The following ACTR2 variants were observed in gnomAD, a reference collection of about 807,000 sequenced individuals.
The protein encoded by ACTR2 is actin-related protein 2.
In ACTR2, 5 loss-of-function variants were observed where a neutral mutation model predicts 50.2. That is an observed-to-expected ratio of 0.10 (90% CI 0.05 to 0.21). The LOEUF (loss-of-function observed/expected upper bound fraction) is 0.21, where lower values mean the gene tolerates loss of function less well. ACTR2 is among the 10% of genes least tolerant of loss of function. The pLI, the probability that ACTR2 is intolerant of heterozygous loss-of-function variation, is 1.00. For synonymous variants in ACTR2, 140 were observed against 162.9 expected (o/e 0.86, Z 1.07); for missense variants, 180 against 480.6 (o/e 0.37, Z 5.85).
At chr2:65,229,083 T>G (rs1242149301) in intron 1 of ACTR2, among the ~76,000 whole-genome samples, 7 of 151,288 alleles carry the variant, frequency 4.6e-5, no homozygotes, top group African/African-American at 1.7e-4. Flanking sequence ...TCCGTCTCAA[T>G]TATAAAAAAA....
chr2:65,246,042 CATTTT>C (rs1671932228), intron 2 of ACTR2: 1 of 153,438 alleles, frequency 6.5e-6, no homozygotes, highest in African/African-American at 2.4e-5. Flanking sequence ...AATAAAGAAT[CATTTT>C]ATTTTTTGCT....
At chr2:65,246,303 T>A (rs1199348248) in intron 2 of ACTR2, 1 of 372,176 alleles carries the variant, frequency 2.7e-6, no homozygotes, top group East Asian at 5.0e-5. Flanking sequence ...ACATTTGTGT[T>A]AAAGGTAAGG....
intron 2 of ACTR2, chr2:65,242,740 A>T: frequency 4.6e-6 from 2 of 430,832 alleles, no homozygotes. Flanking sequence ...CTTATCTCAG[A>T]CATTTAACTC....
chr2:65,250,081 C>G (rs1252851307), intron 3 of ACTR2, among the ~76,000 whole-genome samples: 2 of 152,048 alleles, frequency 1.3e-5, no homozygotes, highest in Non-Finnish European at 2.9e-5. Flanking sequence ...AAGATATTTC[C>G]CGGCCGGGTG....
chr2:65,253,921 A>C, intron 5 of ACTR2, 57 bp downstream of exon 5: 1 of 1,466,360 alleles, frequency 6.8e-7, no homozygotes, highest in Non-Finnish European at 9.4e-7. Context: ...TACCACCTTA[A>C]CACAGAATTG....
rs1209526884 is a variant in ACTR2, at chr2:65,261,342, T to C, written c.831T>C (p.Gly277=). 2 of 1,614,090 alleles carry C rather than the reference T, an allele frequency of 1.2e-6. No individual in the cohort carries two copies. ...QPHLINVEGV[G]VAELLFNTIQ... ...ACTTGATCAATGTTGAAGGAGTTGG[T>C]GTTGCTGAATTGCTTTTTAACACAA... Residue 277 remains glycine (G), a synonymous_variant, in exon 7 of 9, where the codon GGT becomes GGC. Transcript: ENST00000260641.
chr2:65,259,143 G>A (rs1328941425), intron 6 of ACTR2, among the ~76,000 whole-genome samples: 1 of 151,974 alleles, frequency 6.6e-6, no homozygotes, highest in African/African-American at 2.4e-5. Context: ...ATTGTAATTG[G>A]CCAGGCGCGG....
At chr2:65,255,466 T>G in intron 5 of ACTR2, 79 bp from the exon 6 acceptor site, 9 of 1,287,966 alleles carry the variant, frequency 7.0e-6, no homozygotes, top group Non-Finnish European at 8.5e-6. Flanking sequence ...ATGTGACATA[T>G]TTAATGAGCA....
At chr2:65,250,616 T>A (rs558414829) in intron 3 of ACTR2, among the ~76,000 whole-genome samples, 5 of 134,102 alleles carry the variant, frequency 3.7e-5, no homozygotes, top group Non-Finnish European at 6.1e-5. Flanking sequence ...GAGGTTGCAG[T>A]GAGCCAAGAT....
rs563831441 is a variant in ACTR2 at position 65,264,101 on chromosome 2, C to T, written c.882-942C>T. Among the ~76,000 whole-genome samples the T allele has an allele frequency of 1.3e-4, 20 of 152,166 alleles. No individual in the cohort carries two copies. The East Asian group carries it at 3.5e-3, about 26-fold the overall frequency. ...ACATGCCTGTTGCTGATTAGAGCTT[C>T]GACGTACCTAAAGTGCGGAGTCAGA... On this transcript the variant is annotated intron_variant, in intron 7 of 8. Coordinates refer to ENST00000260641, the MANE Select transcript of ACTR2 (RefSeq NM_005722.4).
At chr2:65,249,953 C>T (rs1454447890) in intron 3 of ACTR2, among the ~76,000 whole-genome samples, 1 of 152,002 alleles carries the variant, frequency 6.6e-6, no homozygotes, top group African/African-American at 2.4e-5. Context: ...TTTTTTCTTT[C>T]TTTCTTTCTT....
intron 8 of ACTR2, among the ~76,000 whole-genome samples, chr2:65,265,886 T>C (rs1672362625): frequency 6.6e-6 from 1 of 152,246 alleles, no homozygotes; most frequent in African/African-American, 2.4e-5. Flanking sequence ...TTTTAGATAA[T>C]GAGATTATGT....
In ACTR2 at chr2:65,255,574, C is replaced by T. The variant is rs749802343; in HGVS notation, c.615C>T (p.Asn205=). The T allele has an allele frequency of 2.5e-6, 4 of 1,613,686 alleles. No homozygotes were observed. Among genetic ancestry groups the T allele is most frequent in the Non-Finnish European group, 2.5e-6 (3 of 1,179,794 alleles). The stretch of plus-strand genomic sequence containing the variant: ...TTCTGTTGCGAGGATACGCCTTCAA[C>T]CACTCTGCTGATTTTGAAACGGTTC... The part of the protein sequence containing the change: ...KLLLLRGYAF[N]HSADFETVRM... The change falls in exon 6 of 9, where the codon AAC becomes AAT. Residue 205 remains asparagine (N), a synonymous_variant. Coordinates refer to ENST00000260641, the MANE Select transcript of ACTR2 (RefSeq NM_005722.4).
At chr2:65,248,722 A>G (rs1480819787) in intron 3 of ACTR2, among the ~76,000 whole-genome samples, 1 of 152,120 alleles carries the variant, frequency 6.6e-6, no homozygotes, top group Non-Finnish European at 1.5e-5. Context: ...AGCCAGCAGA[A>G]GGAGATTGAA....
At chr2:65,257,214 T>C (rs971628915) in intron 6 of ACTR2, among the ~76,000 whole-genome samples, 1 of 152,114 alleles carries the variant, frequency 6.6e-6, no homozygotes, top group Non-Finnish European at 1.5e-5. Context: ...TTTCTGTTCC[T>C]GTGTTAATTT....
In ACTR2 at chr2:65,270,061, G is replaced by A. The variant is rs1483957033; in HGVS notation, c.*1327G>A. 9 of 151,892 alleles carry A rather than the reference G, an allele frequency of 5.9e-5. No homozygotes were observed. Among genetic ancestry groups the A allele is most frequent in the Admixed American group, 2.0e-4 (3 of 15,254 alleles). 9.4% of individuals were successfully genotyped at this position (151,892 alleles called of 1,614,324 possible). ...GAAAATCCTATTTATGAATCCTGTCGGTATTCCTTGGTATCTGAAAAAAAT... is the reference window on the plus strand; with the variant it reads ...GAAAATCCTATTTATGAATCCTGTCAGTATTCCTTGGTATCTGAAAAAAAT... On this transcript the variant is annotated 3_prime_UTR_variant, in exon 9 of 9. Transcript: ENST00000260641.
At chr2:65,248,209 G>A (rs1375805507) in intron 3 of ACTR2, among the ~76,000 whole-genome samples, 1 of 152,130 alleles carries the variant, frequency 6.6e-6, no homozygotes, top group African/African-American at 2.4e-5. Flanking sequence ...AGACCAGCCT[G>A]ACCAACATAG....
At chr2:65,267,946 C>T (rs1457399288) in intron 8 of ACTR2, among the ~76,000 whole-genome samples, 1 of 136,820 alleles carries the variant, frequency 7.3e-6, no homozygotes, top group Admixed American at 8.5e-5. Context: ...ACGTCATTCT[C>T]CTGCCTCAGC....
intron 8 of ACTR2, among the ~76,000 whole-genome samples, chr2:65,266,652 G>A (rs1672377381): frequency 6.6e-6 from 1 of 152,116 alleles, no homozygotes; most frequent in Admixed American, 6.5e-5. Context: ...GGGGGAAGAG[G>A]GAACAAAGGT....
Sources: gnomAD v4.1 joint callset for allele counts (sites outside exome capture counted in the v4.1 genomes callset) on GRCh38, gnomAD v4.1.1 for gene constraint, MANE v1.5 for transcripts, NCBI Gene and HGNC (gene_info 2026-07-23, HGNC 2026-07-21) for gene names.